The following MANBA variants were observed in gnomAD, a reference collection of about 807,000 sequenced individuals.
MANBA encodes the protein beta-mannosidase.
MANBA carries 83 observed loss-of-function variants against 111.1 expected under a neutral mutation model. That is an observed-to-expected ratio of 0.75 (90% CI 0.63 to 0.90). The LOEUF (loss-of-function observed/expected upper bound fraction) is 0.90, where lower values mean the gene tolerates loss of function less well. Ranked by LOEUF, MANBA falls within the 40% of genes least tolerant of loss-of-function variation. MANBA has a pLI of 0.00. For synonymous variants in MANBA, 370 were observed against 378.7 expected (o/e 0.98, Z 0.27); for missense variants, 1,036 against 1,069.0 (o/e 0.97, Z 0.43).
chr4:102,698,300 G>T (rs1343867778), intron 5 of MANBA, among the ~76,000 whole-genome samples: 1 of 151,830 alleles, frequency 6.6e-6, no homozygotes, highest in East Asian at 1.9e-4. Flanking sequence ...CTCCCATTTT[G>T]TGGGTTGCCT....
chr4:102,684,968 G>C (rs984685139), intron 7 of MANBA, among the ~76,000 whole-genome samples: 1 of 152,124 alleles, frequency 6.6e-6, no homozygotes, highest in Admixed American at 6.5e-5. Flanking sequence ...CCACAGATAA[G>C]GAGGCACTAC....
At chr4:102,735,340 T>C (rs544531292) in intron 1 of MANBA, among the ~76,000 whole-genome samples, 1 of 152,202 alleles carries the variant, frequency 6.6e-6, no homozygotes, top group Non-Finnish European at 1.5e-5. Context: ...CAACCCATCA[T>C]AGCACGTTCA....
chr4:102,650,861 T>TGC, intron 12 of MANBA, 160 bp from the exon 13 acceptor site: 5 of 643,968 alleles, frequency 7.8e-6, no homozygotes, highest in Non-Finnish European at 1.4e-5. Flanking sequence ...TCCTACTTGT[T>TGC]GCCAGTGAAG....
At position 102,707,305 on chromosome 4, in the gene MANBA, T is replaced by C. The variant is rs572568539; in HGVS notation, c.673+7133A>G. 8.5e-5 allele frequency among the ~76,000 whole-genome samples: 13 copies of C among 152,166 alleles called. No individual in the cohort carries two copies. The East Asian group carries it at 1.5e-3, about 18-fold the overall frequency. On this transcript the variant is annotated intron_variant, in intron 5 of 16. Coordinates refer to ENST00000647097, the MANE Select transcript of MANBA (RefSeq NM_005908.4). ...ATTCAAAGTGTTGAAAGAGAACAGCTCCCAGCCAAGGATGCCATACCCAGC... is the reference window on the plus strand; with the variant it reads ...ATTCAAAGTGTTGAAAGAGAACAGCCCCCAGCCAAGGATGCCATACCCAGC...
At chr4:102,637,867 T>A (rs1192333963) in intron 14 of MANBA, among the ~76,000 whole-genome samples, 1 of 152,214 alleles carries the variant, frequency 6.6e-6, no homozygotes, top group Non-Finnish European at 1.5e-5. Context: ...GAACCCCAGC[T>A]TGAAGCTGGT....
At position 102,631,765 on chromosome 4, in the gene MANBA, G is replaced by A. The variant is rs1729385917; in HGVS notation, c.*292C>T. ...TTGTAACCAGCTGCAGGGCCATCTT[G>A]TTATAACTGGTTCATGTCCTGCTAA... On this transcript the variant is annotated 3_prime_UTR_variant, in exon 17 of 17. Coordinates refer to ENST00000647097, the MANE Select transcript of MANBA (RefSeq NM_005908.4). The A allele has an allele frequency of 3.4e-6, 2 of 592,044 alleles. No homozygotes were observed. The highest frequency in any genetic ancestry group is 4.2e-5 in the South Asian group (2 of 47,140). The allele number at this position is 592,044 out of a possible 1,614,324, so 36.7% of individuals were successfully genotyped here. A position where few individuals can be genotyped will look rare whatever the true frequency, so the allele number is the denominator to read the frequency against.
chr4:102,725,657 T>C lies in MANBA; in HGVS notation c.272+932A>G, dbSNP rs72937827. Among the ~76,000 whole-genome samples, 1,302 of 152,178 alleles carry C rather than the reference T, an allele frequency of 8.6e-3. 25 individuals are homozygous for C. Among genetic ancestry groups the C allele is most frequent in the African/African-American group, 0.03 (1,234 of 41,500 alleles). On this transcript the variant is annotated intron_variant, in intron 2 of 16. Transcript: ENST00000647097. Reference sequence around the variant, plus strand: ...ATCTAATGTTTCTAAATTGAAAAGATTGGAGAATAAAAGAACAAAGCAAGA... The same window carrying C: ...ATCTAATGTTTCTAAATTGAAAAGACTGGAGAATAAAAGAACAAAGCAAGA...
chr4:102,722,029 C>CAAAAAAAAAA (rs562110956), intron 4 of MANBA, among the ~76,000 whole-genome samples: 1 of 87,186 alleles, frequency 1.1e-5, no homozygotes, highest in Non-Finnish European at 2.2e-5. Flanking sequence ...GACCCAGTCT[C>CAAAAAAAAAA]AAAAAAAAAA....
intron 1 of MANBA, among the ~76,000 whole-genome samples, chr4:102,754,225 T>C (rs1723919661): frequency 6.6e-6 from 1 of 152,184 alleles, no homozygotes; most frequent in Non-Finnish European, 1.5e-5. Context: ...GTACAACTGG[T>C]ACAATGTTTA....
chr4:102,695,492 A>G (rs1732666213), intron 5 of MANBA, among the ~76,000 whole-genome samples: 1 of 152,234 alleles, frequency 6.6e-6, no homozygotes, highest in Admixed American at 6.5e-5. Flanking sequence ...TCTAGTTTCA[A>G]GAAAAACTGG....
chr4:102,712,550 C>T lies in MANBA; in HGVS notation c.673+1888G>A, dbSNP rs1032004750. ...TTTTTTTTTTTTTTAAACAGCATCT[C>T]GCTCCATCACCCAGGCTGGAGTGCA... On this transcript the variant is annotated intron_variant, in intron 5 of 16. Coordinates refer to ENST00000647097, the MANE Select transcript of MANBA (RefSeq NM_005908.4). Among the ~76,000 whole-genome samples, 5 of 149,842 alleles carry T rather than the reference C, an allele frequency of 3.3e-5. No homozygotes were observed. In the South Asian group the frequency reaches 1.1e-3, roughly 31 times the overall value.
intron 1 of MANBA, among the ~76,000 whole-genome samples, chr4:102,756,570 T>C (rs1306069411): frequency 6.6e-6 from 1 of 151,838 alleles, no homozygotes; most frequent in East Asian, 1.9e-4. Context: ...ATGGCACATG[T>C]ATACATATGT....
chr4:102,634,802 T>C lies in MANBA; in HGVS notation c.2401A>G (p.Lys801Glu). 3 of 1,613,784 alleles carry C rather than the reference T, an allele frequency of 1.9e-6. No individual in the cohort carries two copies. The highest frequency in any genetic ancestry group is 2.5e-6 in the Non-Finnish European group (3 of 1,180,028). Residue 801 changes from lysine (K) to glutamate (E), a missense_variant, in exon 16 of 17, where the codon AAG (lysine) becomes GAG (glutamate). By Grantham distance (56) the Lys-to-Glu change is moderately conservative (BLOSUM62 1). Transcript: ENST00000647097. The stretch of plus-strand genomic sequence containing the variant: ...CCTGTGCTTACAGTGATCTGCGCCT[T>C]GCAGAGCCCCACGGCCTCCTTCGGT... ...SSPKEAVGLCKAQITAIISQQ... is the reference protein window; with the variant it reads ...SSPKEAVGLCEAQITAIISQQ...
intron 1 of MANBA, among the ~76,000 whole-genome samples, chr4:102,738,541 A>AGG (rs1051749153): frequency 3.9e-5 from 6 of 152,238 alleles, no homozygotes; most frequent in African/African-American, 1.4e-4. Flanking sequence ...CCCCGTCCCT[A>AGG]GGGGAAGGGG....
chr4:102,679,890 C>T (rs1431101022), intron 7 of MANBA, among the ~76,000 whole-genome samples: 1 of 151,544 alleles, frequency 6.6e-6, no homozygotes, highest in Non-Finnish European at 1.5e-5. Flanking sequence ...GTTCTTTTGA[C>T]TTTCATTCAA....
intron 1 of MANBA, chr4:102,752,584 A>G (rs937047386): frequency 5.1e-5 from 33 of 645,084 alleles, no homozygotes; most frequent in African/African-American, 1.8e-5. Flanking sequence ...GTGGACAAGC[A>G]GACAATAAAT....
In MANBA at chr4:102,691,785, G is replaced by A. The variant is rs138596039; in HGVS notation, c.674-1014C>T. ...TACCTCCCAAAGCACTGGGATTATA[G>A]GCATGAGCCACCATGCCTGGCCAAG... On this transcript the variant is annotated intron_variant, in intron 5 of 16. Transcript: ENST00000647097. Among the ~76,000 whole-genome samples, 575 of 152,238 alleles carry A rather than the reference G, an allele frequency of 3.8e-3. 3 individuals carry two copies. Among genetic ancestry groups the A allele is most frequent in the African/African-American group, 0.013 (547 of 41,544 alleles).
At chr4:102,678,385 A>G (rs1731814882) in intron 7 of MANBA, among the ~76,000 whole-genome samples, 1 of 152,204 alleles carries the variant, frequency 6.6e-6, no homozygotes, top group South Asian at 2.1e-4. Flanking sequence ...TAGTCACATA[A>G]AAGCCTTCTT....
intron 1 of MANBA, chr4:102,730,186 TG>T: frequency 2.5e-6 from 2 of 805,348 alleles, no homozygotes; most frequent in Non-Finnish European, 3.8e-6. Context: ...GAGGCAGGAG[TG>T]GGGGCAGGAA....
Sources: allele counts gnomAD v4.1 joint callset (sites outside exome capture counted in the v4.1 genomes callset), GRCh38; gene constraint gnomAD v4.1.1; transcripts MANE v1.5; gene names NCBI Gene and HGNC (gene_info 2026-07-23, HGNC 2026-07-21).